Variants in PCBP3 observed in about 807,000 individuals in gnomAD.
The protein encoded by PCBP3 is poly(rC)-binding protein 3.
Under a neutral mutation model 52.7 loss-of-function variants are expected in PCBP3, and 25 were observed. The observed-to-expected ratio is 0.47, with a 90% CI of 0.35 to 0.66. The LOEUF (loss-of-function observed/expected upper bound fraction) is 0.66, where lower values mean the gene tolerates loss of function less well. PCBP3 is among the 30% of genes least tolerant of loss of function. The pLI is 0.01. For missense variants in PCBP3, 391 were observed against 490.3 expected (o/e 0.80, Z 1.91); for synonymous variants, 162 against 183.0 (o/e 0.89, Z 0.93).
At chr21:45,809,283 C>G (rs559816446) in intron 4 of PCBP3, among the ~76,000 whole-genome samples, 10 of 152,336 alleles carry the variant, frequency 6.6e-5, no homozygotes, top group African/African-American at 2.2e-4. Context: ...TAGTAATTAT[C>G]TTTCTGCATT....
At chr21:45,794,884 G>T (rs1312918660) in intron 4 of PCBP3, among the ~76,000 whole-genome samples, 5 of 151,272 alleles carry the variant, frequency 3.3e-5, no homozygotes, top group Non-Finnish European at 7.4e-5. Flanking sequence ...AGCCGAGATT[G>T]CGCCACTGCA....
At position 45,910,900 on chromosome 21, in the gene PCBP3, AG is replaced by A; in HGVS notation, c.472-1del. The A allele has an allele frequency of 6.2e-7, 1 of 1,601,682 alleles. No individual in the cohort carries two copies. The highest frequency in any genetic ancestry group is 8.5e-7 in the Non-Finnish European group (1 of 1,174,986). On this transcript the variant is annotated splice_acceptor_variant, in intron 10 of 17. Coordinates refer to ENST00000681687, the MANE Select transcript of PCBP3 (RefSeq NM_001384156.1). LOFTEE classifies it high-confidence loss of function. ...CTCCCTTCCAATGTCCCCTCTCTCC[AG>A]TCCACAGGTGCCCAGGTGCAGGTGG...
rs1778274818 is a variant in PCBP3, at chr21:45,917,284, A to G, written c.676-304A>G. ...TTAGTGGAGACCTCTTACTGGGCAGATCACTCTTCGATTCTTTTGCTTTAA... is the reference window on the plus strand; with the variant it reads ...TTAGTGGAGACCTCTTACTGGGCAGGTCACTCTTCGATTCTTTTGCTTTAA... On this transcript the variant is annotated intron_variant, in intron 12 of 17. Coordinates refer to ENST00000681687, the MANE Select transcript of PCBP3 (RefSeq NM_001384156.1). The surrounding 1 kb of genome is among the most constrained non-coding windows in gnomAD (Gnocchi z 5.3). The G allele has an allele frequency of 2.9e-6, 1 of 349,926 alleles. No individual in the cohort carries two copies. The highest frequency in any genetic ancestry group is 2.1e-5 in the African/African-American group (1 of 47,476). The allele number at this position is 349,926 out of a possible 1,614,324, so 21.7% of individuals were successfully genotyped here. A position where few individuals can be genotyped will look rare whatever the true frequency, so the allele number is the denominator to read the frequency against.
intron 1 of PCBP3, among the ~76,000 whole-genome samples, chr21:45,662,960 G>T (rs2080511682): frequency 6.6e-6 from 1 of 152,142 alleles, no homozygotes; most frequent in Non-Finnish European, 1.5e-5. Context: ...ACCTCTTGTG[G>T]AGGGCCTGAC....
At chr21:45,687,712 C>A (rs927524916) in intron 2 of PCBP3, among the ~76,000 whole-genome samples, 1 of 150,970 alleles carries the variant, frequency 6.6e-6, no homozygotes, top group Non-Finnish European at 1.5e-5. Flanking sequence ...AAAGACTAAT[C>A]GGAGATAAAG....
At chr21:45,722,831 G>A (rs545156654) in intron 2 of PCBP3, among the ~76,000 whole-genome samples, 1 of 151,842 alleles carries the variant, frequency 6.6e-6, no homozygotes, top group East Asian at 1.9e-4. Context: ...GTGAAACATC[G>A]TCTCTACTGA....
Position 45,850,044 on chromosome 21 carries a change from C to G in PCBP3, c.-42C>G, listed in dbSNP as rs75906370. On this transcript the variant is annotated 5_prime_UTR_variant, in exon 5 of 18. Transcript: ENST00000681687. ...TGCTCTGAGTTCAATACGTCTGAAC[C>G]TTTGCTGTCTATGGATCTGCTCTAA... 5.6e-4 allele frequency: 860 copies of G among 1,536,572 alleles called. 3 individuals are homozygous for G. In the African/African-American group the frequency reaches 0.01, roughly 19 times the overall value.
At chr21:45,816,292 C>T (rs74459266) in intron 4 of PCBP3, among the ~76,000 whole-genome samples, 26,304 of 152,052 alleles carry the variant, frequency 0.17, 2,878 homozygotes, top group Non-Finnish European at 0.24. Flanking sequence ...AACTTTTTTG[C>T]TTTATAAACC....
At chr21:45,711,970 A>G (rs2083871616) in intron 2 of PCBP3, among the ~76,000 whole-genome samples, 1 of 152,164 alleles carries the variant, frequency 6.6e-6, no homozygotes, top group Non-Finnish European at 1.5e-5. Flanking sequence ...CTGATCTGTC[A>G]ACCATCTCTA....
intron 2 of PCBP3, among the ~76,000 whole-genome samples, chr21:45,731,297 C>G (rs1371727092): frequency 1.3e-5 from 2 of 152,196 alleles, no homozygotes; most frequent in Non-Finnish European, 2.9e-5. Flanking sequence ...AGGGATAAAT[C>G]TCCAAAGCAA....
intron 5 of PCBP3, among the ~76,000 whole-genome samples, chr21:45,879,999 T>C (rs1410961614): frequency 2.0e-5 from 3 of 152,122 alleles, no homozygotes; most frequent in Admixed American, 2.0e-4. Flanking sequence ...GTAGTTCAAA[T>C]AAAGGAAGGA....
At chr21:45,847,727 T>C (rs944319160) in intron 4 of PCBP3, among the ~76,000 whole-genome samples, 1 of 152,200 alleles carries the variant, frequency 6.6e-6, no homozygotes, top group Non-Finnish European at 1.5e-5. Flanking sequence ...AATAAGCTGG[T>C]CTTTTTGCCT....
intron 2 of PCBP3, among the ~76,000 whole-genome samples, chr21:45,684,559 A>G (rs544985625): frequency 6.6e-6 from 1 of 152,294 alleles, no homozygotes; most frequent in Non-Finnish European, 1.5e-5. Context: ...GTTAATTCAC[A>G]TGATAACTGT....
At chr21:45,739,499 T>TTCA (rs2086223304) in intron 3 of PCBP3, among the ~76,000 whole-genome samples, 3 of 109,068 alleles carry the variant, frequency 2.8e-5, no homozygotes, top group Admixed American at 9.2e-5. Flanking sequence ...CCCCCCGATC[T>TTCA]TCAGCCCACC....
intron 4 of PCBP3, among the ~76,000 whole-genome samples, chr21:45,839,412 T>C (rs2093653471): frequency 6.6e-6 from 1 of 152,206 alleles, no homozygotes; most frequent in Non-Finnish European, 1.5e-5. Context: ...CTTACCACCA[T>C]ACCTTATGAC....
intron 12 of PCBP3, chr21:45,914,334 G>T (rs1404561451): frequency 1.4e-5 from 7 of 514,976 alleles, no homozygotes; most frequent in Non-Finnish European, 2.0e-5. Context: ...GATAGCCGGC[G>T]CGCAGGCGCT....
intron 2 of PCBP3, among the ~76,000 whole-genome samples, chr21:45,723,586 G>T (rs1443115064): frequency 1.3e-5 from 2 of 152,256 alleles, no homozygotes; most frequent in Non-Finnish European, 2.9e-5. Flanking sequence ...ATGGGTATAT[G>T]TATCTATATT....
intron 15 of PCBP3, among the ~76,000 whole-genome samples, chr21:45,933,977 C>T (rs151309759): frequency 6.4e-4 from 98 of 152,108 alleles, no homozygotes; most frequent in African/African-American, 1.7e-3. Flanking sequence ...GCACAGGAGG[C>T]GCCGTGAGGA....
At chr21:45,809,821 C>G (rs2092628659) in intron 4 of PCBP3, among the ~76,000 whole-genome samples, 1 of 152,238 alleles carries the variant, frequency 6.6e-6, no homozygotes, top group Non-Finnish European at 1.5e-5. Flanking sequence ...AAGGCTTCTG[C>G]TCTCTGGTGT....
Sources: gnomAD v4.1 joint callset for allele counts (sites outside exome capture counted in the v4.1 genomes callset) on GRCh38, gnomAD v4.1.1 for gene constraint, Gnocchi (gnomAD v3.1) non-coding constraint, MANE v1.5 for transcripts, NCBI Gene and HGNC (gene_info 2026-07-23, HGNC 2026-07-21) for gene names.